The following KCNMA1 variants were observed in gnomAD, a reference collection of about 807,000 sequenced individuals.
KCNMA1 encodes Calcium-activated potassium channel subunit alpha-1.
In KCNMA1, 29 loss-of-function variants were observed where a neutral mutation model predicts 140.0. That is an observed-to-expected ratio of 0.21 (90% CI 0.15 to 0.28). KCNMA1 has a LOEUF of 0.28. Ranked by LOEUF, KCNMA1 falls within the 10% of genes least tolerant of loss-of-function variation. The pLI, the probability that KCNMA1 is intolerant of heterozygous loss-of-function variation, is 1.00. For synonymous variants in KCNMA1, 612 were observed against 611.9 expected (o/e 1.00, Z 0.00); for missense variants, 880 against 1,602.2 (o/e 0.55, Z 7.70).
At chr10:77,231,718 A>G (rs2053663874) in intron 3 of KCNMA1, among the ~76,000 whole-genome samples, 1 of 152,132 alleles carries the variant, frequency 6.6e-6, no homozygotes. Context: ...GCATCCTCTC[A>G]GTTGAGACCT....
At chr10:77,352,442 A>G (rs1405659582) in intron 2 of KCNMA1, among the ~76,000 whole-genome samples, 1 of 152,166 alleles carries the variant, frequency 6.6e-6, no homozygotes, top group Non-Finnish European at 1.5e-5. Flanking sequence ...AATGTTCTCT[A>G]TCTGTGCTGC....
chr10:76,970,551 C>A lies in KCNMA1; in HGVS notation c.2267-484G>T, dbSNP rs1187171509. On this transcript the variant is annotated intron_variant, in intron 19 of 27. Coordinates refer to ENST00000286628, the MANE Select transcript of KCNMA1 (RefSeq NM_001161352.2). The stretch of plus-strand genomic sequence containing the variant: ...TTAGCTGGTTCCTAACCCCTGCATA[C>A]CAGAGAAAGAGCGTTGAAAAGAGGC... The A allele has an allele frequency of 2.5e-5, 5 of 200,060 alleles. No individual in the cohort carries two copies. In the Admixed American group the frequency reaches 2.7e-4, roughly 11 times the overall value. The allele number at this position is 200,060 out of a possible 1,614,324, so 12.4% of individuals were successfully genotyped here. A position where few individuals can be genotyped will look rare whatever the true frequency, so the allele number is the denominator to read the frequency against.
intron 14 of KCNMA1, among the ~76,000 whole-genome samples, chr10:77,058,851 G>A (rs1221905666): frequency 6.6e-6 from 1 of 151,820 alleles, no homozygotes; most frequent in Non-Finnish European, 1.5e-5. Context: ...GAAGAAACTA[G>A]AGAAGAGGAG....
At position 77,054,865 on chromosome 10, in the gene KCNMA1, G is replaced by A. The variant is rs557014691; in HGVS notation, c.1750-15228C>T. Among the ~76,000 whole-genome samples the A allele has an allele frequency of 2.0e-5, 3 of 152,148 alleles. 1 individual carries two copies. The highest frequency in any genetic ancestry group is 3.9e-4 in the East Asian group (2 of 5,170). On this transcript the variant is annotated intron_variant, in intron 14 of 27. Transcript: ENST00000286628. ...AGCCAAATGAGTTTGAAGTTGAAACGGCCACCTCACATTGTTCTACCAGGA... is the reference window on the plus strand; with the variant it reads ...AGCCAAATGAGTTTGAAGTTGAAACAGCCACCTCACATTGTTCTACCAGGA...
intron 5 of KCNMA1, among the ~76,000 whole-genome samples, chr10:77,148,826 A>G (rs1157252797): frequency 1.3e-5 from 2 of 152,240 alleles, no homozygotes; most frequent in Non-Finnish European, 2.9e-5. Flanking sequence ...TGTAGCCTGT[A>G]GGCCATAGTT....
chr10:77,187,856 T>C (rs2098889753), intron 3 of KCNMA1, among the ~76,000 whole-genome samples: 1 of 152,150 alleles, frequency 6.6e-6, no homozygotes, highest in Non-Finnish European at 1.5e-5. Context: ...GCCTGTAGTT[T>C]ACGGACTCGC....
At chr10:77,406,905 C>A (rs2096488440) in intron 1 of KCNMA1, among the ~76,000 whole-genome samples, 1 of 152,112 alleles carries the variant, frequency 6.6e-6, no homozygotes, top group African/African-American at 2.4e-5. Context: ...TCCACAGCCC[C>A]TTGGTAGACC....
chr10:76,954,012 T>C, intron 20 of KCNMA1, 88 bp from the exon 21 acceptor site: 4 of 1,415,232 alleles, frequency 2.8e-6, no homozygotes, highest in Non-Finnish European at 2.9e-6. Context: ...TCAGAGGATG[T>C]GAAAGATGCA....
rs959491802 is a variant in KCNMA1 at position 77,365,807 on chromosome 10, A to T, written c.540+38055T>A. Among the ~76,000 whole-genome samples the T allele has an allele frequency of 2.6e-5, 4 of 152,076 alleles. No individual in the cohort carries two copies. In the South Asian group the frequency reaches 6.2e-4, roughly 24 times the overall value. On this transcript the variant is annotated intron_variant, in intron 2 of 27. Transcript: ENST00000286628. Reference sequence around the variant, plus strand: ...CCCACTCATCACACCTCTCATGGAGATCTCTGGCACTTTGGTGGGCCCTAC... The same window carrying T: ...CCCACTCATCACACCTCTCATGGAGTTCTCTGGCACTTTGGTGGGCCCTAC...
At chr10:77,221,566 T>A (rs553416229) in intron 3 of KCNMA1, among the ~76,000 whole-genome samples, 6 of 152,308 alleles carry the variant, frequency 3.9e-5, no homozygotes, top group African/African-American at 1.4e-4. Context: ...AAACGATAAG[T>A]GCTCTAGGGG....
At chr10:76,926,795 C>T (rs1431643667) in intron 23 of KCNMA1, among the ~76,000 whole-genome samples, 1 of 152,072 alleles carries the variant, frequency 6.6e-6, no homozygotes, top group African/African-American at 2.4e-5. Flanking sequence ...ATCACATTGT[C>T]GGTATCAACA....
chr10:77,304,578 T>C (rs900359099), intron 2 of KCNMA1: 1 of 152,228 alleles, frequency 6.6e-6, no homozygotes, highest in African/African-American at 2.4e-5. Flanking sequence ...ACACGTGCCA[T>C]AATGGTAAAA....
chr10:77,498,749 C>G (rs185522922), intron 1 of KCNMA1: 1 of 152,060 alleles, frequency 6.6e-6, no homozygotes, highest in Non-Finnish European at 1.5e-5. Context: ...ATGCAAAACA[C>G]GAAAACCTCC....
intron 5 of KCNMA1, chr10:77,148,314 A>G (rs2098350040): frequency 6.6e-6 from 1 of 152,230 alleles, no homozygotes; most frequent in Admixed American, 6.5e-5. Context: ...TAAAGACTGA[A>G]GAACACGGTG....
At chr10:77,295,003 G>T (rs1247714473) in intron 2 of KCNMA1, among the ~76,000 whole-genome samples, 1 of 152,128 alleles carries the variant, frequency 6.6e-6, no homozygotes, top group Admixed American at 6.5e-5. Context: ...AAAATATGTT[G>T]TAGCTGTTTT....
chr10:77,634,775 AGAC>A (rs2093575123), intron 1 of KCNMA1: 1 of 198,766 alleles, frequency 5.0e-6, no homozygotes, highest in African/African-American at 3.5e-5. Context: ...AAAGAAAAAA[AGAC>A]AAACACACAC....
At chr10:77,064,471 T>A (rs1281946025) in intron 14 of KCNMA1, among the ~76,000 whole-genome samples, 1 of 152,258 alleles carries the variant, frequency 6.6e-6, no homozygotes, top group East Asian at 1.9e-4. Flanking sequence ...ACATGCTGTA[T>A]GGGCTTCTTT....
At chr10:76,872,528 T>C (rs2031546645), downstream of KCNMA1, 1 of 152,240 alleles carries the variant, frequency 6.6e-6, no homozygotes, top group Non-Finnish European at 1.5e-5. Flanking sequence ...GCCTTTAGAC[T>C]GTACTTTGTA....
chr10:77,210,687 GTTATAACT>G (rs2045775928), intron 3 of KCNMA1, among the ~76,000 whole-genome samples: 1 of 152,092 alleles, frequency 6.6e-6, no homozygotes, highest in Admixed American at 6.5e-5. Context: ...ATAAAAGGCT[GTTATAACT>G]GATCAATGAT....
Sources: gnomAD v4.1 joint callset for allele counts (sites outside exome capture counted in the v4.1 genomes callset) on GRCh38, gnomAD v4.1.1 for gene constraint, MANE v1.5 for transcripts, NCBI Gene and HGNC (gene_info 2026-07-23, HGNC 2026-07-21) for gene names.